GNAQ: variants seen among roughly 807,000 people sequenced by gnomAD.
GNAQ encodes the protein G protein subunit alpha q.
A neutral mutation model predicts 43.9 loss-of-function variants in GNAQ; 8 were observed. The observed-to-expected ratio is 0.18, with a 90% CI of 0.11 to 0.33. The LOEUF (loss-of-function observed/expected upper bound fraction) is 0.33. Among genes scored for constraint, GNAQ ranks in the 10% least tolerant of loss-of-function variants. The probability of loss-of-function intolerance (pLI) is 1.00; values close to 1 mark genes in which losing one functional copy is unlikely to be tolerated. For missense variants in GNAQ, 158 were observed against 450.8 expected (o/e 0.35, Z 5.88); for synonymous variants, 155 against 170.7 (o/e 0.91, Z 0.71).
At chr9:77,912,012 T>C (rs543121928) in intron 2 of GNAQ, among the ~76,000 whole-genome samples, 1 of 152,142 alleles carries the variant, frequency 6.6e-6, no homozygotes, top group Non-Finnish European at 1.5e-5. Flanking sequence ...AATTAACACA[T>C]TTGGATTAAC....
At chr9:77,790,268 G>GT (rs1342392436) in intron 5 of GNAQ, among the ~76,000 whole-genome samples, 1 of 152,074 alleles carries the variant, frequency 6.6e-6, no homozygotes, top group East Asian at 1.9e-4. Context: ...TGCGATTTGA[G>GT]TTTTTTTCTC....
intron 5 of GNAQ, among the ~76,000 whole-genome samples, chr9:77,752,691 C>G (rs544197798): frequency 5.9e-5 from 9 of 152,204 alleles, no homozygotes; most frequent in Non-Finnish European, 1.5e-5. Flanking sequence ...CACCTCAACA[C>G]TGAAGTATGT....
At chr9:77,781,886 T>C (rs927718283) in intron 5 of GNAQ, among the ~76,000 whole-genome samples, 7 of 152,116 alleles carry the variant, frequency 4.6e-5, no homozygotes, top group Non-Finnish European at 8.8e-5. Context: ...AGAACATCTA[T>C]TAAAAAATCT....
intron 2 of GNAQ, among the ~76,000 whole-genome samples, chr9:77,909,148 A>T (rs1828758042): frequency 6.6e-6 from 1 of 152,174 alleles, no homozygotes; most frequent in African/African-American, 2.4e-5. Flanking sequence ...ACTGCACAAC[A>T]CTGATACACG....
At chr9:77,977,473 T>TACC (rs1404456823) in intron 1 of GNAQ, among the ~76,000 whole-genome samples, 2 of 151,276 alleles carry the variant, frequency 1.3e-5, no homozygotes, top group Non-Finnish European at 2.9e-5. Flanking sequence ...CAACAGCAGC[T>TACC]ACCATTGTTC....
At chr9:77,950,022 T>C (rs990602938) in intron 1 of GNAQ, among the ~76,000 whole-genome samples, 1 of 152,168 alleles carries the variant, frequency 6.6e-6, no homozygotes, top group African/African-American at 2.4e-5. Flanking sequence ...CCTCTTCCTG[T>C]ACTTTATTTC....
intron 5 of GNAQ, among the ~76,000 whole-genome samples, chr9:77,761,454 G>C (rs1195080116): frequency 7.2e-6 from 1 of 139,318 alleles, no homozygotes; most frequent in Non-Finnish European, 1.6e-5. Flanking sequence ...GAGGTTGGGG[G>C]GTCAGCCCCC....
intron 5 of GNAQ, among the ~76,000 whole-genome samples, chr9:77,755,550 T>C (rs1281739717): frequency 6.6e-6 from 1 of 152,206 alleles, no homozygotes; most frequent in East Asian, 1.9e-4. Context: ...TATTTCCTCC[T>C]TATTTTGGTA....
intron 1 of GNAQ, among the ~76,000 whole-genome samples, chr9:78,011,032 T>C (rs17064026): frequency 0.06 from 9,176 of 152,014 alleles, 314 homozygotes; most frequent in African/African-American, 0.066. Flanking sequence ...TGCAAAGTGG[T>C]CTAGAAACGC....
intron 2 of GNAQ, among the ~76,000 whole-genome samples, chr9:77,835,877 TTTTA>T (rs1472845961): frequency 6.6e-6 from 1 of 152,194 alleles, no homozygotes; most frequent in Non-Finnish European, 1.5e-5. Flanking sequence ...CTTGCCTGTC[TTTTA>T]TTTATTTATT....
intron 2 of GNAQ, among the ~76,000 whole-genome samples, chr9:77,897,942 GAAAAA>G (rs5898570): frequency 8.0e-6 from 1 of 124,718 alleles, no homozygotes; most frequent in East Asian, 2.4e-4. Context: ...ACTTTCCCTG[GAAAAA>G]AAAAAAAAAA....
chr9:77,768,000 A>G (rs1327049480), intron 5 of GNAQ, among the ~76,000 whole-genome samples: 1 of 152,252 alleles, frequency 6.6e-6, no homozygotes, highest in Admixed American at 6.5e-5. Flanking sequence ...AGAAATCATT[A>G]TATTATTAAA....
intron 3 of GNAQ, among the ~76,000 whole-genome samples, chr9:77,798,313 A>G (rs766588491): frequency 6.6e-6 from 1 of 152,162 alleles, no homozygotes; most frequent in Non-Finnish European, 1.5e-5. Flanking sequence ...CCCTTCCCTT[A>G]AAAGAATTTT....
Position 77,718,760 on chromosome 9 carries a change from C to G in GNAQ, c.*2563G>C, listed in dbSNP as rs1197803197. 6.0e-5 allele frequency: 8 copies of G among 133,528 alleles called. No individual in the cohort carries two copies. The highest frequency in any genetic ancestry group is 1.0e-4 in the Non-Finnish European group (7 of 68,968). 8.3% of individuals were successfully genotyped at this position (133,528 alleles called of 1,614,324 possible). ...TTTTTTTTTTTTTTTTTTGCTGCACCAAATTTAAGAACGCCCTTTCAGGCA... is the reference window on the plus strand; with the variant it reads ...TTTTTTTTTTTTTTTTTTGCTGCACGAAATTTAAGAACGCCCTTTCAGGCA... On this transcript the variant is annotated 3_prime_UTR_variant, in exon 7 of 7. Coordinates refer to ENST00000286548, the MANE Select transcript of GNAQ (RefSeq NM_002072.5).
chr9:77,843,098 G>A (rs930411288), intron 2 of GNAQ, among the ~76,000 whole-genome samples: 2 of 152,112 alleles, frequency 1.3e-5, no homozygotes, highest in Non-Finnish European at 2.9e-5. Flanking sequence ...ATACAAATTT[G>A]AAAGACTTAA....
At chr9:77,826,881 C>A (rs1425790437) in intron 2 of GNAQ, among the ~76,000 whole-genome samples, 6 of 152,214 alleles carry the variant, frequency 3.9e-5, no homozygotes, top group Admixed American at 2.0e-4. Flanking sequence ...TGTCCTTACA[C>A]AACCCTTTTT....
At chr9:77,726,662 T>C (rs1825400945) in intron 6 of GNAQ, among the ~76,000 whole-genome samples, 1 of 152,214 alleles carries the variant, frequency 6.6e-6, no homozygotes, top group Non-Finnish European at 1.5e-5. Context: ...ACAATGTAAT[T>C]TTAAAAATAG....
Position 77,882,329 on chromosome 9 carries a change from T to C in GNAQ, c.321+39832A>G, listed in dbSNP as rs143818809. ...ATGAGAATTACTGTTCCAGATCTTG[T>C]ATTTAAATAACCCAAATTGAACCCA... is the stretch of plus-strand genomic sequence containing the variant. On this transcript the variant is annotated intron_variant, in intron 2 of 6. Coordinates refer to ENST00000286548, the MANE Select transcript of GNAQ (RefSeq NM_002072.5). 4.6e-3 allele frequency among the ~76,000 whole-genome samples: 699 copies of C among 152,286 alleles called. 6 individuals are homozygous for C. The highest frequency in any genetic ancestry group is 0.016 in the African/African-American group (680 of 41,552).
chr9:77,789,689 C>G lies in GNAQ; in HGVS notation c.735+4774G>C, dbSNP rs191215416. Among the ~76,000 whole-genome samples the G allele has an allele frequency of 2.6e-3, 390 of 152,192 alleles. 4 individuals are homozygous for G. Among genetic ancestry groups the G allele is most frequent in the African/African-American group, 9.1e-3 (378 of 41,538 alleles). On this transcript the variant is annotated intron_variant, in intron 5 of 6. Transcript: ENST00000286548. The stretch of plus-strand genomic sequence containing the variant: ...CAAATATTGCATTATATTAAATACA[C>G]TATTCCACAATCGGCCTTTTTCACA...
Sources: allele counts gnomAD v4.1 joint callset (sites outside exome capture counted in the v4.1 genomes callset), GRCh38; gene constraint gnomAD v4.1.1; transcripts MANE v1.5; gene names NCBI Gene and HGNC (gene_info 2026-07-23, HGNC 2026-07-21).